Variants in SLC2A9 observed in about 807,000 individuals in gnomAD.
The protein encoded by SLC2A9 is solute carrier family 2, facilitated glucose transporter member 9.
Under a neutral mutation model 50.6 loss-of-function variants are expected in SLC2A9, and 39 were observed. The ratio of observed to expected loss-of-function variants is 0.77; its 90% CI spans 0.60 to 1.01. The LOEUF (loss-of-function observed/expected upper bound fraction) is 1.01. Ranked by LOEUF, SLC2A9 falls within the 50% of genes least tolerant of loss-of-function variation. SLC2A9 has a pLI of 0.00. For synonymous variants in SLC2A9, 324 were observed against 276.9 expected, an observed-to-expected ratio of 1.17 and a Z score of -1.69; for missense variants, 686 against 677.6, an observed-to-expected ratio of 1.01 and a Z score of -0.14.
chr4:9,843,490 C>G (rs1012672490), intron 10 of SLC2A9, among the ~76,000 whole-genome samples: 1 of 151,734 alleles, frequency 6.6e-6, no homozygotes, highest in African/African-American at 2.4e-5. Flanking sequence ...GGGTGTAACA[C>G]TATAGTTAGG....
intron 10 of SLC2A9, 96 bp from the exon 11 acceptor site, chr4:9,835,104 C>G (rs1046434735): frequency 1.9e-6 from 3 of 1,574,458 alleles, no homozygotes; most frequent in Non-Finnish European, 2.6e-6. Flanking sequence ...ACCCCCCCAC[C>G]CCTGCCCCTT....
At chr4:9,843,887 G>C (rs1291380843) in intron 10 of SLC2A9, among the ~76,000 whole-genome samples, 1 of 152,080 alleles carries the variant, frequency 6.6e-6, no homozygotes, top group Non-Finnish European at 1.5e-5. Flanking sequence ...TGTTTTTCCT[G>C]AGTGGGTGGT....
At chr4:9,992,435 T>C (rs1328943775) in intron 3 of SLC2A9, among the ~76,000 whole-genome samples, 1 of 152,244 alleles carries the variant, frequency 6.6e-6, no homozygotes, top group Non-Finnish European at 1.5e-5. Context: ...TCCTAGATGC[T>C]AGTAGCACCC....
intron 3 of SLC2A9, 45 bp downstream of exon 3, chr4:9,996,736 A>T (rs770145481): frequency 5.6e-6 from 9 of 1,605,952 alleles, no homozygotes; most frequent in Non-Finnish European, 7.7e-6. Context: ...CAGATATATT[A>T]TGAACATGGA....
rs142363404 is a variant in SLC2A9, at chr4:9,783,073, C to T, written n.386-3008G>A. On this transcript the variant is annotated intron_variant and non_coding_transcript_variant, in intron 3 of 3. Coordinates refer to the SLC2A9 transcript ENST00000503803. Reference sequence around the variant, plus strand: ...CCTTCGACGTCTTCGTCTGGTTCGGCTGGGCTAACTCCTCACTCAACCCCG... The same window carrying T: ...CCTTCGACGTCTTCGTCTGGTTCGGTTGGGCTAACTCCTCACTCAACCCCG... 1.8e-5 allele frequency: 29 copies of T among 1,614,224 alleles called. No homozygotes were observed. In the African/African-American group the frequency reaches 3.6e-4, roughly 20 times the overall value.
chr4:9,772,121 C>G (rs536176677), intron 1 of SLC2A9, among the ~76,000 whole-genome samples: 1 of 152,042 alleles, frequency 6.6e-6, no homozygotes, highest in Admixed American at 6.6e-5. Context: ...AGGAGGATTG[C>G]CTTGGTGGTA....
intron 11 of SLC2A9, among the ~76,000 whole-genome samples, chr4:9,832,575 G>A (rs1726352594): frequency 6.6e-6 from 1 of 152,150 alleles, no homozygotes; most frequent in Non-Finnish European, 1.5e-5. Flanking sequence ...AGCTTCTCAG[G>A]AACTGTTTCC....
intron 5 of SLC2A9, among the ~76,000 whole-genome samples, chr4:9,955,755 CCT>C (rs1751146373): frequency 6.6e-6 from 1 of 151,944 alleles, no homozygotes; most frequent in Non-Finnish European, 1.5e-5. Context: ...GCCGCGGACA[CCT>C]CTGTCTCTCA....
intron 10 of SLC2A9, among the ~76,000 whole-genome samples, chr4:9,850,426 T>C (rs1729692905): frequency 1.3e-5 from 2 of 152,130 alleles, no homozygotes; most frequent in Non-Finnish European, 2.9e-5. Flanking sequence ...CTGTCAGACC[T>C]GGACAGAGCA....
At chr4:9,967,850 T>C (rs1045992098) in intron 5 of SLC2A9, among the ~76,000 whole-genome samples, 1 of 152,008 alleles carries the variant, frequency 6.6e-6, no homozygotes, top group Non-Finnish European at 1.5e-5. Flanking sequence ...AAGCATGCCA[T>C]GAAAGTTACG....
chr4:9,967,160 A>G (rs1310249417), intron 5 of SLC2A9, among the ~76,000 whole-genome samples: 2 of 152,226 alleles, frequency 1.3e-5, no homozygotes, highest in Non-Finnish European at 2.9e-5. Flanking sequence ...TACAATTGAG[A>G]TTGTTTTTTA....
chr4:9,809,273 G>A (rs978309429), intron 3 of SLC2A9, among the ~76,000 whole-genome samples: 1 of 152,034 alleles, frequency 6.6e-6, no homozygotes, highest in Non-Finnish European at 1.5e-5. Flanking sequence ...AGATGTCCCT[G>A]GGTATCATAT....
intron 3 of SLC2A9, among the ~76,000 whole-genome samples, chr4:9,784,486 T>C (rs1165881081): frequency 1.3e-5 from 2 of 152,236 alleles, no homozygotes; most frequent in Non-Finnish European, 2.9e-5. Context: ...TGAATCAAGA[T>C]GCTTTAAAAA....
At chr4:9,995,977 T>C (rs1269758358) in intron 3 of SLC2A9, 1 of 152,498 alleles carries the variant, frequency 6.6e-6, no homozygotes, top group African/African-American at 2.4e-5. Context: ...CAGGATGCTG[T>C]TGTTATGAAC....
intron 6 of SLC2A9, among the ~76,000 whole-genome samples, chr4:9,928,240 C>T (rs914357495): frequency 1.3e-5 from 2 of 152,244 alleles, no homozygotes; most frequent in Non-Finnish European, 2.9e-5. Flanking sequence ...CTGCTAGCCT[C>T]AATGACCATT....
intron 2 of SLC2A9, 39 bp downstream of exon 2, chr4:10,018,936 G>C: frequency 6.5e-7 from 1 of 1,542,346 alleles, no homozygotes; most frequent in Non-Finnish European, 8.8e-7. Flanking sequence ...GTTTCCGCAG[G>C]GCCGCAGCGC....
At chr4:10,019,331 C>T in intron 1 of SLC2A9, 1 of 554,926 alleles carries the variant, frequency 1.8e-6, no homozygotes, top group South Asian at 2.2e-5. Context: ...GTGAGGATTC[C>T]TGAAACGCAG....
intron 5 of SLC2A9, among the ~76,000 whole-genome samples, chr4:9,946,521 G>C (rs1008757519): frequency 2.6e-5 from 4 of 152,214 alleles, no homozygotes; most frequent in Non-Finnish European, 5.9e-5. Flanking sequence ...GACAGCAAAA[G>C]GGCTCCAGAA....
downstream of SLC2A9, among the ~76,000 whole-genome samples, chr4:9,779,402 A>T (rs1484649598): frequency 4.0e-5 from 6 of 150,266 alleles, no homozygotes; most frequent in East Asian, 1.2e-3. Context: ...GTTAAAGTCT[A>T]TCTAGACTTT....
Sources: allele counts gnomAD v4.1 joint callset (sites outside exome capture counted in the v4.1 genomes callset), GRCh38; gene constraint gnomAD v4.1.1; transcripts MANE v1.5; gene names NCBI Gene and HGNC (gene_info 2026-07-23, HGNC 2026-07-21).